ADAMTSL1: variants seen among roughly 807,000 people sequenced by gnomAD.
The protein encoded by ADAMTSL1 is ADAMTS-like protein 1.
A neutral mutation model predicts 201.8 loss-of-function variants in ADAMTSL1; 126 were observed. That is an observed-to-expected ratio of 0.62 (90% confidence interval 0.54 to 0.72). ADAMTSL1 has a LOEUF of 0.72. ADAMTSL1 is among the 30% of genes least tolerant of loss of function. The pLI, the probability that ADAMTSL1 is intolerant of heterozygous loss-of-function variation, is 0.00. For missense variants in ADAMTSL1, 2,679 were observed against 2,277.8 expected, an observed-to-expected ratio of 1.18 and a Z score of -3.59; for synonymous variants, 1,121 against 903.4, an observed-to-expected ratio of 1.24 and a Z score of -4.32.
chr9:18,850,080 G>C (rs2039006), intron 23 of ADAMTSL1, among the ~76,000 whole-genome samples: 123,382 of 152,178 alleles, frequency 0.81, 50,219 homozygotes, highest in African/African-American at 0.89. Flanking sequence ...GGCAGTAAAT[G>C]TCACTGCCTA....
intron 2 of ADAMTSL1, among the ~76,000 whole-genome samples, chr9:18,179,573 G>C (rs2086528291): frequency 6.6e-6 from 1 of 152,106 alleles, no homozygotes; most frequent in Admixed American, 6.5e-5. Context: ...ACACATAATT[G>C]TCAGATTCAC....
In ADAMTSL1 at chr9:18,871,297, G is replaced by T. The variant is rs1248222025; in HGVS notation, c.4250-16534G>T. On this transcript the variant is annotated intron_variant, in intron 23 of 28. Transcript: ENST00000380548. The stretch of plus-strand genomic sequence containing the variant: ...AACAATTCTTATTAGCCACTTATTT[G>T]CCATCTTGCCTCTTTAAAATTTTTT... Among the ~76,000 whole-genome samples, 7 of 152,202 alleles carry T rather than the reference G, an allele frequency of 4.6e-5. No individual in the cohort carries two copies. In the South Asian group the frequency reaches 1.5e-3, roughly 32 times the overall value.
intron 1 of ADAMTSL1, among the ~76,000 whole-genome samples, chr9:18,115,890 G>A (rs992858840): frequency 3.3e-5 from 5 of 152,162 alleles, no homozygotes; most frequent in Non-Finnish European, 7.4e-5. Context: ...AAAGGAAATA[G>A]CGTTTTCTTT....
upstream of ADAMTSL1, chr9:18,474,072 C>T (rs980413934): frequency 1.1e-5 from 6 of 554,342 alleles, no homozygotes; most frequent in South Asian, 8.6e-5. Context: ...TACCCCCCAC[C>T]CATCCACCCA....
intron 4 of ADAMTSL1, among the ~76,000 whole-genome samples, chr9:18,591,819 C>G (rs922943139): frequency 6.6e-6 from 1 of 152,120 alleles, no homozygotes; most frequent in Non-Finnish European, 1.5e-5. Context: ...ATTTGACTAA[C>G]TCTTGGAAAG....
chr9:18,081,018 A>G (rs1346092647), intron 1 of ADAMTSL1, among the ~76,000 whole-genome samples: 3 of 152,250 alleles, frequency 2.0e-5, no homozygotes, highest in Non-Finnish European at 4.4e-5. Flanking sequence ...CATTTAAACC[A>G]AAAACATTTC....
rs140867666 is a variant in ADAMTSL1, at chr9:18,735,452, A to G, written c.2006+13787A>G. On this transcript the variant is annotated intron_variant, in intron 15 of 28. Transcript: ENST00000380548. ...AAGGGTTGGTTTTCAGAGCCCCACT[A>G]TCTGATCAGTCTTCAAAATGCTTGC... Among the ~76,000 whole-genome samples the G allele has an allele frequency of 9.1e-4, 138 of 152,324 alleles. 3 individuals carry two copies. In the East Asian group the frequency reaches 0.026, roughly 29 times the overall value.
At chr9:18,382,133 G>A (rs1443993388) in intron 2 of ADAMTSL1, among the ~76,000 whole-genome samples, 1 of 152,152 alleles carries the variant, frequency 6.6e-6, no homozygotes, top group Non-Finnish European at 1.5e-5. Context: ...CAGGTAGCAT[G>A]CTCTTCCTTG....
intron 1 of ADAMTSL1, among the ~76,000 whole-genome samples, chr9:18,149,453 C>A (rs1826807804): frequency 6.6e-6 from 1 of 151,950 alleles, no homozygotes; most frequent in South Asian, 2.1e-4. Flanking sequence ...GTTAAGTTTA[C>A]AATCTAGATA....
chr9:18,895,663 AAAAG>A (rs35988343), intron 26 of ADAMTSL1, among the ~76,000 whole-genome samples: 88,203 of 151,502 alleles, frequency 0.58, 26,270 homozygotes, highest in African/African-American at 0.71. Flanking sequence ...CACACCACAT[AAAAG>A]AAAGATCTGA....
intron 2 of ADAMTSL1, among the ~76,000 whole-genome samples, chr9:18,383,141 A>C (rs2133189820): frequency 6.6e-6 from 1 of 152,244 alleles, no homozygotes; most frequent in South Asian, 2.1e-4. Context: ...CTAATCTATT[A>C]ATTCTATATT....
intron 9 of ADAMTSL1, among the ~76,000 whole-genome samples, chr9:18,665,530 C>T (rs533582494): frequency 6.6e-6 from 1 of 152,234 alleles, no homozygotes; most frequent in Non-Finnish European, 1.5e-5. Flanking sequence ...TTCCTAAATA[C>T]ATGAACAACT....
intron 1 of ADAMTSL1, among the ~76,000 whole-genome samples, chr9:17,931,344 G>A (rs1175824820): frequency 2.0e-5 from 3 of 148,030 alleles, no homozygotes; most frequent in African/African-American, 4.8e-5. Context: ...TGGTGGGTGA[G>A]GTGGGCTGCT....
rs115491735 is a variant in ADAMTSL1 at position 18,104,535 on chromosome 9, A to G, written c.88-59327A>G. Among the ~76,000 whole-genome samples the G allele has an allele frequency of 2.8e-3, 423 of 152,276 alleles. 1 individual carries two copies. Among genetic ancestry groups the G allele is most frequent in the African/African-American group, 9.5e-3 (393 of 41,548 alleles). The stretch of plus-strand genomic sequence containing the variant: ...CTTGGGCTACCTCTGGGAGCTAAAC[A>G]GTAGGTACACGTGGACATAGAGAGT... On this transcript the variant is annotated intron_variant, in intron 1 of 29. Coordinates refer to the ADAMTSL1 transcript ENST00000680146.
At chr9:18,504,322 A>G (rs778340184) in intron 1 of ADAMTSL1, among the ~76,000 whole-genome samples, 5 of 152,220 alleles carry the variant, frequency 3.3e-5, no homozygotes, top group Admixed American at 6.5e-5. Context: ...AGTTATTTGT[A>G]TAGTTATTCC....
At chr9:18,022,178 G>A (rs565885384) in intron 1 of ADAMTSL1, among the ~76,000 whole-genome samples, 5 of 152,170 alleles carry the variant, frequency 3.3e-5, no homozygotes, top group South Asian at 4.2e-4. Flanking sequence ...CACTTTCTCT[G>A]TGGCCCCAAG....
In ADAMTSL1 at chr9:18,868,694, C is replaced by T. The variant is rs550908047; in HGVS notation, c.4250-19137C>T. Among the ~76,000 whole-genome samples, 10 of 152,302 alleles carry T rather than the reference C, an allele frequency of 6.6e-5. No homozygotes were observed. In the South Asian group the frequency reaches 1.0e-3, roughly 16 times the overall value. ...ACCTTGCAGATTTTAACCTGATGCA[C>T]GTACATCTTCAGTTGGGCAAAATCT... On this transcript the variant is annotated intron_variant, in intron 23 of 28. Coordinates refer to ENST00000380548, the MANE Select transcript of ADAMTSL1 (RefSeq NM_001040272.6).
At chr9:17,938,824 C>T (rs150798668) in intron 1 of ADAMTSL1, among the ~76,000 whole-genome samples, 9 of 152,262 alleles carry the variant, frequency 5.9e-5, no homozygotes, top group Non-Finnish European at 8.8e-5. Context: ...AGCAGATTCA[C>T]GTTGTGTTTC....
intron 2 of ADAMTSL1, among the ~76,000 whole-genome samples, chr9:18,439,407 C>A (rs1264341169): frequency 6.6e-6 from 1 of 152,202 alleles, no homozygotes; most frequent in African/African-American, 2.4e-5. Flanking sequence ...GGCTCTGCCG[C>A]CCAGGCTGGA....
Sources: gnomAD v4.1 joint callset for allele counts (sites outside exome capture counted in the v4.1 genomes callset) on GRCh38, gnomAD v4.1.1 for gene constraint, MANE v1.5 for transcripts, NCBI Gene and HGNC (gene_info 2026-07-23, HGNC 2026-07-21) for gene names.